Variants in NCBP3 observed in about 807,000 individuals in gnomAD.
NCBP3 encodes nuclear cap binding subunit 3, also known as nuclear cap-binding protein subunit 3.
In NCBP3, 20 loss-of-function variants were observed where a neutral mutation model predicts 75.7. That is an observed-to-expected ratio of 0.26 (90% confidence interval 0.19 to 0.38). The LOEUF (loss-of-function observed/expected upper bound fraction) is 0.38. Ranked by LOEUF, NCBP3 falls within the 10% of genes least tolerant of loss-of-function variation. NCBP3 has a pLI of 1.00. For missense variants in NCBP3, 678 were observed against 796.9 expected, an observed-to-expected ratio of 0.85 and a Z score of 1.80; for synonymous variants, 293 against 290.5, an observed-to-expected ratio of 1.01 and a Z score of -0.09.
Position 3,846,161 on chromosome 17 carries a change from C to T in NCBP3, c.63G>A (p.Leu21=), listed in dbSNP as rs1280834628. ...VKAEAPAGPA[L]GLPSPEAESG... ...ACTCCGCCTCAGGGGACGGGAGCCC[C>T]AGGGCCGGCCCCGCCGGGGCCTCCG... The change falls in exon 1 of 13, where the codon CTG becomes CTA. Residue 21 remains leucine (L), a synonymous_variant. Transcript: ENST00000389005. This position sits in a 1 kb window ranked among gnomAD's most constrained non-coding sequence, Gnocchi z 4.6. 6.5e-7 allele frequency: 1 copy of T among 1,531,118 alleles called. No homozygotes were observed. Among genetic ancestry groups the T allele is most frequent in the Non-Finnish European group, 8.8e-7 (1 of 1,138,900 alleles). The allele number at this position is 1,531,118 out of a possible 1,614,324, so 94.8% of individuals were successfully genotyped here.
At position 3,813,068 on chromosome 17, in the gene NCBP3, G is replaced by A; in HGVS notation, c.1839C>T (p.Ser613=). Residue 613 remains serine (S), a synonymous_variant, in exon 13 of 13, where the codon AGC becomes AGT. Transcript: ENST00000389005. ...SLQIEVSRES[S]SGSEAES is the part of the protein sequence containing the mutation. The stretch of plus-strand genomic sequence containing the variant: ...ATCAGGACTCTGCCTCTGAACCAGA[G>A]CTGCTTTCCCGACTAACTTCAATCT... 5 of 1,614,204 alleles carry A rather than the reference G, an allele frequency of 3.1e-6. No individual in the cohort carries two copies. Among genetic ancestry groups the A allele is most frequent in the Non-Finnish European group, 4.2e-6 (5 of 1,180,034 alleles).
chr17:3,839,794 G>C (rs897241888), intron 3 of NCBP3, among the ~76,000 whole-genome samples: 1 of 152,180 alleles, frequency 6.6e-6, no homozygotes, highest in African/African-American at 2.4e-5. Flanking sequence ...ACGATAAAAG[G>C]AGAAAATGAG....
chr17:3,819,612 A>G (rs2053624148), intron 9 of NCBP3, among the ~76,000 whole-genome samples: 1 of 152,160 alleles, frequency 6.6e-6, no homozygotes, highest in South Asian at 2.1e-4. Flanking sequence ...ATATTGATCA[A>G]CTGACAAAAA....
At chr17:3,843,243 CTT>C (rs5818919) in intron 1 of NCBP3, 92 bp from the exon 2 acceptor site, 8,867 of 678,940 alleles carry the variant, frequency 0.013, no homozygotes, top group South Asian at 0.015. Context: ...TTCTTTTTTC[CTT>C]TTTTTTTTTT....
At position 3,818,514 on chromosome 17, in the gene NCBP3, TTCCTCC is replaced by T. The variant is rs749720658; in HGVS notation, c.1053_1058del (p.Glu358_Glu359del). On this transcript the variant is annotated inframe_deletion, in exon 10 of 13. Transcript: ENST00000389005. This position sits in a 1 kb window ranked among gnomAD's most constrained non-coding sequence, Gnocchi z 4.7. ...CCTGGTCTTCTTCTTCCTCTTCCTCTTCCTCCTCCTCCTCCTCTTCCTCCTCTTCAA... is the reference window on the plus strand; with the variant it reads ...CCTGGTCTTCTTCTTCCTCTTCCTCTTCCTCCTCCTCTTCCTCCTCTTCAA... The T allele has an allele frequency of 5.5e-5, 88 of 1,610,618 alleles. No individual in the cohort carries two copies. Among genetic ancestry groups the T allele is most frequent in the South Asian group, 4.0e-4 (36 of 90,916 alleles).
chr17:3,829,991 G>C (rs1329434212), intron 3 of NCBP3, among the ~76,000 whole-genome samples: 1 of 152,120 alleles, frequency 6.6e-6, no homozygotes, highest in African/African-American at 2.4e-5. Flanking sequence ...CAGTTTTCAC[G>C]GACCAGATTT....
intron 3 of NCBP3, among the ~76,000 whole-genome samples, chr17:3,832,735 T>C (rs2053906596): frequency 6.6e-6 from 1 of 152,190 alleles, no homozygotes; most frequent in Non-Finnish European, 1.5e-5. Context: ...AAAAATTTTT[T>C]AGCCCATCCT....
chr17:3,808,490 C>G lies in NCBP3; in HGVS notation c.*4554G>C, dbSNP rs1362087644. ...AGTTGGGGACTGCCTCCTAGAAGGGCCCCTAAGACCTTAAGTTGGTGAGGG... is the reference window on the plus strand; with the variant it reads ...AGTTGGGGACTGCCTCCTAGAAGGGGCCCTAAGACCTTAAGTTGGTGAGGG... On this transcript the variant is annotated 3_prime_UTR_variant, in exon 13 of 13. Transcript: ENST00000389005. 1.3e-5 allele frequency: 2 copies of G among 152,206 alleles called. No homozygotes were observed. Among genetic ancestry groups the G allele is most frequent in the African/African-American group, 4.8e-5 (2 of 41,426 alleles). 9.4% of individuals were successfully genotyped at this position (152,206 alleles called of 1,614,324 possible).
intron 1 of NCBP3, among the ~76,000 whole-genome samples, chr17:3,845,622 G>C (rs1282738156): frequency 6.6e-6 from 1 of 152,056 alleles, no homozygotes; most frequent in Non-Finnish European, 1.5e-5. Flanking sequence ...AATTCCTCCG[G>C]GGCAAGACCC....
chr17:3,843,226 C>G, intron 1 of NCBP3, 75 bp from the exon 2 acceptor site: 2 of 1,117,928 alleles, frequency 1.8e-6, no homozygotes, highest in East Asian at 2.6e-5. Flanking sequence ...GGCCTGACAT[C>G]TGCAGGTTCT....
chr17:3,824,089 G>A (rs2053724052), intron 7 of NCBP3: 1 of 152,164 alleles, frequency 6.6e-6, no homozygotes, highest in Non-Finnish European at 1.5e-5. Flanking sequence ...TCCTAGACCT[G>A]GGGCTGGGCG....
At chr17:3,829,116 T>C in intron 4 of NCBP3, 127 bp downstream of exon 4, 1 of 1,078,052 alleles carries the variant, frequency 9.3e-7, no homozygotes, top group Non-Finnish European at 1.3e-6. Flanking sequence ...TTTTCTCTCC[T>C]GGACTAACAG....
chr17:3,806,844 T>A lies in NCBP3; in HGVS notation c.*6200A>T, dbSNP rs1439525299. ...AAGAACAATCTTCCTGGACACAGTG[T>A]GCGATTCTCAGTATCAAAAGCATTC... On this transcript the variant is annotated 3_prime_UTR_variant, in exon 13 of 13. Coordinates refer to ENST00000389005, the MANE Select transcript of NCBP3 (RefSeq NM_001114118.3). 1 of 152,202 alleles carries A rather than the reference T, an allele frequency of 6.6e-6. No individual in the cohort carries two copies. Among genetic ancestry groups the A allele is most frequent in the South Asian group, 2.1e-4 (1 of 4,832 alleles). The allele number at this position is 152,202 out of a possible 1,614,324, so 9.4% of individuals were successfully genotyped here.
intron 9 of NCBP3, among the ~76,000 whole-genome samples, chr17:3,820,761 T>G (rs996761874): frequency 6.6e-6 from 1 of 152,130 alleles, no homozygotes; most frequent in Non-Finnish European, 1.5e-5. Flanking sequence ...TGAAACCCCA[T>G]CTCTACTAAA....
intron 11 of NCBP3, 23 bp downstream of exon 11, chr17:3,816,093 G>C (rs778510022): frequency 1.6e-5 from 25 of 1,600,326 alleles, no homozygotes; most frequent in Non-Finnish European, 2.0e-5. Flanking sequence ...AATCCAGCCA[G>C]GAATCCAAGT....
intron 3 of NCBP3, among the ~76,000 whole-genome samples, chr17:3,835,548 G>A (rs2053958911): frequency 1.3e-5 from 2 of 152,286 alleles, no homozygotes; most frequent in African/African-American, 2.4e-5. Flanking sequence ...GGACTTCACA[G>A]TCACACAGTA....
At chr17:3,840,905 G>T (rs2054052454) in intron 2 of NCBP3, among the ~76,000 whole-genome samples, 1 of 152,180 alleles carries the variant, frequency 6.6e-6, no homozygotes, top group Non-Finnish European at 1.5e-5. Context: ...AATCAGCTTT[G>T]TAAGTTTCTT....
At chr17:3,827,118 G>T (rs1335062041) in intron 4 of NCBP3, among the ~76,000 whole-genome samples, 2 of 149,324 alleles carry the variant, frequency 1.3e-5, no homozygotes, top group African/African-American at 5.0e-5. Context: ...GGAAGGGAAG[G>T]GGAGGGAAAA....
chr17:3,803,882 T>G lies in NCBP3; in HGVS notation c.*9162A>C. The stretch of plus-strand genomic sequence containing the variant: ...CAAAGTCAGGAGATCGAGACCATCC[T>G]GGCTAACACGGTGAAACCCGGTCTC... On this transcript the variant is annotated 3_prime_UTR_variant, in exon 13 of 13. Transcript: ENST00000389005. 6.6e-6 allele frequency: 1 copy of G among 151,880 alleles called. No individual in the cohort carries two copies. The highest frequency in any genetic ancestry group is 6.6e-5 in the Admixed American group (1 of 15,264). The allele number at this position is 151,880 out of a possible 1,614,324, so 9.4% of individuals were successfully genotyped here.
Sources: allele counts gnomAD v4.1 joint callset (sites outside exome capture counted in the v4.1 genomes callset), GRCh38; gene constraint gnomAD v4.1.1; non-coding constraint Gnocchi (gnomAD v3.1); transcripts MANE v1.5; gene names NCBI Gene and HGNC (gene_info 2026-07-23, HGNC 2026-07-21).